TPR: variants seen among roughly 807,000 people sequenced by gnomAD.
TPR encodes translocated promoter region, nuclear basket protein, also known as nucleoprotein TPR.
A neutral mutation model predicts 316.1 loss-of-function variants in TPR; 51 were observed. That is an observed-to-expected ratio of 0.16 (90% CI 0.13 to 0.20). TPR has a LOEUF of 0.20. TPR is among the 10% of genes least tolerant of loss of function. The probability of loss-of-function intolerance (pLI) is 1.00; values close to 1 mark genes in which losing one functional copy is unlikely to be tolerated. For synonymous variants in TPR, 981 were observed against 914.7 expected, an observed-to-expected ratio of 1.07 and a Z score of -1.31; for missense variants, 2,272 against 2,754.8, an observed-to-expected ratio of 0.82 and a Z score of 3.92.
In TPR at chr1:186,323,721, G is replaced by C; in HGVS notation, c.6262C>G (p.His2088Asp). ...PHPLPPRLTI[H>D]APPQELGPPV... ...GGTCCCAACTCCTGAGGTGGGGCAT[G>C]AATGGTCAGTCTTGGGGGAAGTGGA... Residue 2088 changes from histidine to aspartate, a missense_variant, in exon 43 of 51, where the codon CAT becomes GAT. Coordinates refer to ENST00000367478, the MANE Select transcript of TPR (RefSeq NM_003292.3). 6.6e-7 allele frequency: 1 copy of C among 1,515,184 alleles called. No homozygotes were observed. Among genetic ancestry groups the C allele is most frequent in the Non-Finnish European group, 8.7e-7 (1 of 1,145,138 alleles). The allele number at this position is 1,515,184 out of a possible 1,614,324, so 93.9% of individuals were successfully genotyped here. A position where few individuals can be genotyped will look rare whatever the true frequency, so the allele number is the denominator to read the frequency against.
At chr1:186,344,696 G>T in intron 24 of TPR, 118 bp from the exon 25 acceptor site, 1 of 708,320 alleles carries the variant, frequency 1.4e-6, no homozygotes, top group Non-Finnish European at 2.0e-6. Context: ...CAATCTAAAT[G>T]TAGCAAAATA....
chr1:186,317,409 A>T, intron 49 of TPR, 73 bp downstream of exon 49: 1 of 1,122,090 alleles, frequency 8.9e-7, no homozygotes, highest in Non-Finnish European at 1.4e-6. Context: ...TTAATTTGTT[A>T]CTAATAAAGC....
At position 186,351,323 on chromosome 1, in the gene TPR, G is replaced by A; in HGVS notation, c.2610+7C>T. 6.2e-7 allele frequency: 1 copy of A among 1,601,012 alleles called. No individual in the cohort carries two copies. The highest frequency in any genetic ancestry group is 1.1e-5 in the South Asian group (1 of 87,930). Reference sequence around the variant, plus strand: ...CCTACAGAAATTCAGAACTCTGATGGACTCACATCTAGATTTCTAGTAAGT... The same window carrying A: ...CCTACAGAAATTCAGAACTCTGATGAACTCACATCTAGATTTCTAGTAAGT... On this transcript the variant is annotated splice_region_variant and intron_variant, in intron 20 of 50. Coordinates refer to ENST00000367478, the MANE Select transcript of TPR (RefSeq NM_003292.3).
chr1:186,318,640 C>T (rs1657681799), intron 47 of TPR, 37 bp from the exon 48 acceptor site: 9 of 1,603,554 alleles, frequency 5.6e-6, no homozygotes, highest in African/African-American at 5.4e-5. Flanking sequence ...AACTTTAAAA[C>T]TTTGTGGTTT....
chr1:186,356,625 G>T, intron 14 of TPR, 176 bp from the exon 15 acceptor site: 1 of 573,592 alleles, frequency 1.7e-6, no homozygotes, highest in Non-Finnish European at 3.0e-6. Flanking sequence ...CCACCACACA[G>T]GACTCAGGTA....
At position 186,361,743 on chromosome 1, in the gene TPR, C is replaced by T. The variant is rs769668645; in HGVS notation, c.871-34G>A. ...TAATCTTAAAAAGTTACCTAACAGT[C>T]AACAATGCAACATTTAGATACTAAC... On this transcript the variant is annotated intron_variant, in intron 8 of 50. Coordinates refer to ENST00000367478, the MANE Select transcript of TPR (RefSeq NM_003292.3). The T allele has an allele frequency of 3.1e-6, 5 of 1,613,056 alleles. No individual in the cohort carries two copies. In the South Asian group the frequency reaches 3.3e-5, roughly 11 times the overall value.
In TPR at chr1:186,361,679, T is replaced by C; in HGVS notation, c.901A>G (p.Asn301Asp). Residue 301 changes from asparagine to aspartate, a missense_variant, in exon 9 of 51, where the codon AAT becomes GAT. By Grantham distance (23) the Asn-to-Asp change is conservative (BLOSUM62 1). Around this residue, in one of 10 missense-constraint regions of TPR, gnomAD observed 549 missense variants for 598.6 expected, o/e 0.92. Coordinates refer to ENST00000367478, the MANE Select transcript of TPR (RefSeq NM_003292.3). ...TCCTCTACTGCCCGGGTTAGTTCAT[T>C]GCTCTTTGCTTCTGAGTCATCAGCG... ...SAADDSEAKS[N>D]ELTRAVEELH... 5.0e-6 allele frequency: 8 copies of C among 1,613,588 alleles called. No homozygotes were observed. Among genetic ancestry groups the C allele is most frequent in the Non-Finnish European group, 6.8e-6 (8 of 1,179,556 alleles).
rs2102038273 is a variant in TPR, at chr1:186,312,044, T to C, written c.*1927A>G. 2.8e-6 allele frequency: 2 copies of C among 706,566 alleles called. No individual in the cohort carries two copies. The highest frequency in any genetic ancestry group is 4.7e-6 in the Non-Finnish European group (2 of 421,806). 43.8% of individuals were successfully genotyped at this position (706,566 alleles called of 1,614,324 possible). On this transcript the variant is annotated 3_prime_UTR_variant, in exon 51 of 51. Transcript: ENST00000367478. Reference sequence around the variant, plus strand: ...TAATACCCTTGACTAATAGCCATTATTAATATCAATATATTATATGAAAAA... The same window carrying C: ...TAATACCCTTGACTAATAGCCATTACTAATATCAATATATTATATGAAAAA...
chr1:186,352,622 A>G (rs1658899147), intron 18 of TPR, among the ~76,000 whole-genome samples: 1 of 152,248 alleles, frequency 6.6e-6, no homozygotes, highest in African/African-American at 2.4e-5. Flanking sequence ...ACAAGTACTC[A>G]TATTTACACA....
intron 17 of TPR, 29 bp downstream of exon 17, chr1:186,355,379 CTT>C (rs1558026162): frequency 6.3e-7 from 1 of 1,585,406 alleles, no homozygotes; most frequent in East Asian, 2.2e-5. Context: ...AACATTTAGA[CTT>C]AATTAATTTG....
chr1:186,352,500 A>T (rs1384476368), intron 18 of TPR, among the ~76,000 whole-genome samples: 3 of 152,200 alleles, frequency 2.0e-5, no homozygotes, highest in African/African-American at 7.2e-5. Flanking sequence ...GTACCTGTTT[A>T]AAAGTGATGA....
In TPR at chr1:186,344,231, T is replaced by C. The variant is rs548128819; in HGVS notation, c.3418-141A>G. 6.6e-6 allele frequency: 9 copies of C among 1,356,068 alleles called. 1 individual carries two copies. In the Admixed American group the frequency reaches 1.6e-4, roughly 25 times the overall value. The allele number at this position is 1,356,068 out of a possible 1,614,324, so 84.0% of individuals were successfully genotyped here. A position where few individuals can be genotyped will look rare whatever the true frequency, so the allele number is the denominator to read the frequency against. On this transcript the variant is annotated intron_variant, in intron 25 of 50. Transcript: ENST00000367478. Reference sequence around the variant, plus strand: ...AGGAGAATTGCTTGAACCCAGCAGGTGGAGATTGCAGTGACCCCAATATCA... The same window carrying C: ...AGGAGAATTGCTTGAACCCAGCAGGCGGAGATTGCAGTGACCCCAATATCA...
At chr1:186,320,504 G>A (rs1657746971) in intron 45 of TPR, 86 bp from the exon 46 acceptor site, 2 of 1,082,122 alleles carry the variant, frequency 1.8e-6, no homozygotes, top group Non-Finnish European at 2.6e-6. Flanking sequence ...GAAGAAGGAA[G>A]AATGAACATC....
In TPR at chr1:186,353,857, T is replaced by A; in HGVS notation, c.2172-7A>T. On this transcript the variant is annotated splice_region_variant and splice_polypyrimidine_tract_variant and intron_variant, in intron 17 of 50. Coordinates refer to ENST00000367478, the MANE Select transcript of TPR (RefSeq NM_003292.3). ...ATCTTGCAGCATTTCATAACTGGTATGAAAAAAGTAATTCTACAAGTAACT... is the reference window on the plus strand; with the variant it reads ...ATCTTGCAGCATTTCATAACTGGTAAGAAAAAAGTAATTCTACAAGTAACT... 1.2e-6 allele frequency: 2 copies of A among 1,610,118 alleles called. No individual in the cohort carries two copies. The highest frequency in any genetic ancestry group is 1.7e-6 in the Non-Finnish European group (2 of 1,178,996).
Position 186,332,354 on chromosome 1 carries a change from A to G in TPR, c.5456-11T>C. 1 of 1,610,826 alleles carries G rather than the reference A, an allele frequency of 6.2e-7. No homozygotes were observed. Among genetic ancestry groups the G allele is most frequent in the Non-Finnish European group, 8.5e-7 (1 of 1,178,642 alleles). ...TGGGGGTAGCCGAAACTTTGAAATT[A>G]TATAAATCTTGAATTAGAGCATGAT... On this transcript the variant is annotated splice_polypyrimidine_tract_variant and intron_variant, in intron 37 of 50. Transcript: ENST00000367478.
At chr1:186,363,970 T>C (rs1659263844) in intron 4 of TPR, among the ~76,000 whole-genome samples, 1 of 152,182 alleles carries the variant, frequency 6.6e-6, no homozygotes, top group South Asian at 2.1e-4. Context: ...AGCCACCTCC[T>C]GATACTACTG....
In TPR at chr1:186,345,676, T is replaced by C. The variant is rs778595361; in HGVS notation, c.3117A>G (p.Thr1039=). 6.2e-7 allele frequency: 1 copy of C among 1,612,190 alleles called. No homozygotes were observed. Among genetic ancestry groups the C allele is most frequent in the Admixed American group, 1.7e-5 (1 of 59,896 alleles). ...GTACTTCATTCTGAACACTAGAAAGTGTTTTCTTCAATTCAGATAACTAAG... is the reference window on the plus strand; with the variant it reads ...GTACTTCATTCTGAACACTAGAAAGCGTTTTCTTCAATTCAGATAACTAAG... ...MEQQLSELKK[T]LSSVQNEVQE... is the part of the protein sequence containing the mutation. Residue 1039 remains threonine (T), a synonymous_variant, in exon 24 of 51, where the codon ACA becomes ACG. Transcript: ENST00000367478.
chr1:186,355,068 C>T (rs938154647), intron 17 of TPR, among the ~76,000 whole-genome samples: 7 of 151,982 alleles, frequency 4.6e-5, no homozygotes, highest in African/African-American at 1.7e-4. Flanking sequence ...TGCCGCTCAG[C>T]TAATTTTTGT....
chr1:186,340,371 G>A (rs889503189), intron 29 of TPR, among the ~76,000 whole-genome samples: 5 of 151,914 alleles, frequency 3.3e-5, no homozygotes, highest in African/African-American at 9.7e-5. Context: ...CCCTAAAAAC[G>A]TTCCAGTGAA....
Sources: gnomAD v4.1 joint callset for allele counts (sites outside exome capture counted in the v4.1 genomes callset) on GRCh38, gnomAD v4.1.1 for gene constraint, gnomAD v4.1.1 regional missense constraint, MANE v1.5 for transcripts, NCBI Gene and HGNC (gene_info 2026-07-23, HGNC 2026-07-21) for gene names.